RBM28: variants seen among roughly 807,000 people sequenced by gnomAD.
The protein encoded by RBM28 is RNA-binding protein 28.
A neutral mutation model predicts 98.3 loss-of-function variants in RBM28; 78 were observed. The ratio of observed to expected loss-of-function variants is 0.79; its 90% CI spans 0.66 to 0.96. The LOEUF (loss-of-function observed/expected upper bound fraction) is 0.96, where lower values mean the gene tolerates loss of function less well. Ranked by LOEUF, RBM28 falls within the 40% of genes least tolerant of loss-of-function variation. RBM28 has a pLI of 0.00. For missense variants in RBM28, 838 were observed against 913.0 expected (o/e 0.92, Z 1.06); for synonymous variants, 306 against 330.9 (o/e 0.92, Z 0.82).
At chr7:128,326,015 A>G (rs1270781964) in intron 10 of RBM28, 124 bp from the exon 11 acceptor site, 4 of 797,002 alleles carry the variant, frequency 5.0e-6, no homozygotes, top group East Asian at 5.2e-5. Context: ...TATTAAGTAC[A>G]GCCATGTAGC....
At chr7:128,312,255 C>T (rs927081946) in intron 18 of RBM28, among the ~76,000 whole-genome samples, 1 of 152,162 alleles carries the variant, frequency 6.6e-6, no homozygotes, top group Non-Finnish European at 1.5e-5. Context: ...CCCGTCTCTA[C>T]TAAAATACAA....
chr7:128,309,632 C>CAA lies in RBM28; in HGVS notation c.*1163_*1164dup, dbSNP rs554627635. ...TGGGCGACAGAGTGAGACTCCATCT[C>CAA]AAAAAAAAAAAAAAAAGAAGAAGAA... On this transcript the variant is annotated 3_prime_UTR_variant, in exon 19 of 19. Transcript: ENST00000223073. 6 of 71,208 alleles carry CAA rather than the reference C, an allele frequency of 8.4e-5. No individual in the cohort carries two copies. Among genetic ancestry groups the CAA allele is most frequent in the Admixed American group, 1.8e-4 (1 of 5,682 alleles). The allele number at this position is 71,208 out of a possible 1,614,324, so 4.4% of individuals were successfully genotyped here. A position where few individuals can be genotyped will look rare whatever the true frequency, so the allele number is the denominator to read the frequency against.
In RBM28 at chr7:128,339,689, T is replaced by G; in HGVS notation, c.221A>C (p.Asn74Thr). The change falls in exon 2 of 19, where the codon AAC becomes ACC. Residue 74 changes from asparagine to threonine, a missense_variant. Asn to Thr is a moderately conservative substitution (Grantham distance 65). Coordinates refer to ENST00000223073, the MANE Select transcript of RBM28 (RefSeq NM_018077.3). ...EITTFEGCKI[N>T]VTVAKKKLRN... ...CAGTTTTTTCTTGGCAACAGTCACG[T>G]TGATCTTGCAACCTTCAAAGGTGGT... is the stretch of plus-strand genomic sequence containing the variant. 6.2e-7 allele frequency: 1 copy of G among 1,614,136 alleles called. No homozygotes were observed. Among genetic ancestry groups the G allele is most frequent in the Non-Finnish European group, 8.5e-7 (1 of 1,179,960 alleles).
chr7:128,310,265 G>A lies in RBM28; in HGVS notation c.*532C>T, dbSNP rs1161815716. On this transcript the variant is annotated 3_prime_UTR_variant, in exon 19 of 19. Transcript: ENST00000223073. ...TTTTCCAAGTGTCTCCGCCTGCAGCGATTAGGTTAGAAAGCATTTCTCTCT... is the reference window on the plus strand; with the variant it reads ...TTTTCCAAGTGTCTCCGCCTGCAGCAATTAGGTTAGAAAGCATTTCTCTCT... 4 of 166,280 alleles carry A rather than the reference G, an allele frequency of 2.4e-5. No individual in the cohort carries two copies. The highest frequency in any genetic ancestry group is 3.9e-5 in the Non-Finnish European group (3 of 76,368). The allele number at this position is 166,280 out of a possible 1,614,324, so 10.3% of individuals were successfully genotyped here.
At chr7:128,325,539 G>A (rs1796330625) in intron 11 of RBM28, among the ~76,000 whole-genome samples, 2 of 152,160 alleles carry the variant, frequency 1.3e-5, no homozygotes, top group South Asian at 4.1e-4. Context: ...CTAGGATAGA[G>A]GCTGACACAG....
rs948587800 is a variant in RBM28 at position 128,298,158 on chromosome 7, A to G, written c.*12639T>C. 6.6e-6 allele frequency: 1 copy of G among 152,096 alleles called. No homozygotes were observed. Among genetic ancestry groups the G allele is most frequent in the African/African-American group, 2.4e-5 (1 of 41,426 alleles). 9.4% of individuals were successfully genotyped at this position (152,096 alleles called of 1,614,324 possible). A position where few individuals can be genotyped will look rare whatever the true frequency, so the allele number is the denominator to read the frequency against. ...TAAAAAAAAAAGACAATACGCGCAC[A>G]GTTGAACATAGACCCTTATCAGTAG... On this transcript the variant is annotated 3_prime_UTR_variant, in exon 19 of 19. Coordinates refer to ENST00000223073, the MANE Select transcript of RBM28 (RefSeq NM_018077.3).
intron 13 of RBM28, 96 bp downstream of exon 13, chr7:128,323,431 C>G: frequency 1.4e-6 from 2 of 1,416,928 alleles, no homozygotes; most frequent in Non-Finnish European, 1.0e-6. Context: ...TGTGACCATA[C>G]TGGGCTCTTT....
Position 128,302,906 on chromosome 7 carries a change from G to A in RBM28, c.*7891C>T, listed in dbSNP as rs1795800898. 1 of 152,218 alleles carries A rather than the reference G, an allele frequency of 6.6e-6. No individual in the cohort carries two copies. 9.4% of individuals were successfully genotyped at this position (152,218 alleles called of 1,614,324 possible). On this transcript the variant is annotated 3_prime_UTR_variant, in exon 19 of 19. Coordinates refer to ENST00000223073, the MANE Select transcript of RBM28 (RefSeq NM_018077.3). Reference sequence around the variant, plus strand: ...TCCTGCCCCAGCCTCCCGAGCAGCTGGGACTACAGTGCACACCACCACACA... The same window carrying A: ...TCCTGCCCCAGCCTCCCGAGCAGCTAGGACTACAGTGCACACCACCACACA...
At chr7:128,337,929 C>T (rs1399998976) in intron 5 of RBM28, among the ~76,000 whole-genome samples, 1 of 152,058 alleles carries the variant, frequency 6.6e-6, no homozygotes, top group Non-Finnish European at 1.5e-5. Context: ...TAATAAATAG[C>T]CCACAGATGC....
intron 1 of RBM28, chr7:128,341,185 T>C: frequency 7.8e-7 from 1 of 1,289,692 alleles, no homozygotes; most frequent in Non-Finnish European, 1.0e-6. Context: ...CTTCAGGGTA[T>C]AAGCCCTTTG....
Position 128,341,030 on chromosome 7 carries a change from C to T in RBM28, c.119-1239G>A, listed in dbSNP as rs1796712090. ...ATATCAACTGTAACCCACCTTTGCC[C>T]TTTTTGGTTTAACATTTTGTATAGT... On this transcript the variant is annotated intron_variant, in intron 1 of 18. Coordinates refer to ENST00000223073, the MANE Select transcript of RBM28 (RefSeq NM_018077.3). 9 of 720,520 alleles carry T rather than the reference C, an allele frequency of 1.2e-5. No homozygotes were observed. The South Asian group carries it at 1.6e-4, about 13-fold the overall frequency. The allele number at this position is 720,520 out of a possible 1,614,324, so 44.6% of individuals were successfully genotyped here. A position where few individuals can be genotyped will look rare whatever the true frequency, so the allele number is the denominator to read the frequency against.
In RBM28 at chr7:128,309,724, A is replaced by T. The variant is rs1426270470; in HGVS notation, c.*1073T>A. Reference sequence around the variant, plus strand: ...GGGGAAGAAAAGCCCTACTTTAGATAGTCTGGGAAGAGCTCCAGGAGGAGG... The same window carrying T: ...GGGGAAGAAAAGCCCTACTTTAGATTGTCTGGGAAGAGCTCCAGGAGGAGG... On this transcript the variant is annotated 3_prime_UTR_variant, in exon 19 of 19. Coordinates refer to ENST00000223073, the MANE Select transcript of RBM28 (RefSeq NM_018077.3). 6.6e-6 allele frequency: 1 copy of T among 152,106 alleles called. No individual in the cohort carries two copies. Among genetic ancestry groups the T allele is most frequent in the African/African-American group, 2.4e-5 (1 of 41,394 alleles). 9.4% of individuals were successfully genotyped at this position (152,106 alleles called of 1,614,324 possible). A position where few individuals can be genotyped will look rare whatever the true frequency, so the allele number is the denominator to read the frequency against.
chr7:128,326,183 A>G lies in RBM28; in HGVS notation c.1130-292T>C, dbSNP rs549433431. ...GCCAGGCGTGGTGGCGGGCACCTGT[A>G]GTCCCAGTTACTTGGGAGGCTGAGG... On this transcript the variant is annotated intron_variant, in intron 10 of 18. Transcript: ENST00000223073. Among the ~76,000 whole-genome samples the G allele has an allele frequency of 2.7e-5, 4 of 150,856 alleles. No homozygotes were observed. The South Asian group carries it at 8.5e-4, about 32-fold the overall frequency.
intron 10 of RBM28, among the ~76,000 whole-genome samples, chr7:128,329,888 C>CAAAAAAA (rs398006204): frequency 1.2e-4 from 12 of 101,622 alleles, no homozygotes; most frequent in Middle Eastern, 4.9e-3. Flanking sequence ...GACTCCGTCT[C>CAAAAAAA]AAAAAAAAAA....
Position 128,317,970 on chromosome 7 carries a change from A to G in RBM28, c.1700T>C (p.Phe567Ser), listed in dbSNP as rs776730550. ...GACAAGGCCTACCTTCAGAGGCCCA[A>G]AGATTTCTGGATTGTTGTTGATGAG... ...LRLINNNPEIFGPLKRPIVEF... is the reference protein window; with the variant it reads ...LRLINNNPEISGPLKRPIVEF... Residue 567 changes from phenylalanine to serine, a missense_variant, in exon 15 of 19, where the codon TTT becomes TCT. Physicochemically the swap from Phe to Ser is radical, Grantham distance 155. Transcript: ENST00000223073. 2.5e-6 allele frequency: 4 copies of G among 1,614,204 alleles called. No individual in the cohort carries two copies. In the South Asian group the frequency reaches 3.3e-5, roughly 13 times the overall value.
intron 8 of RBM28, 83 bp from the exon 9 acceptor site, chr7:128,333,445 A>G: frequency 1.7e-6 from 2 of 1,206,004 alleles, no homozygotes; most frequent in Non-Finnish European, 2.4e-6. Context: ...GTACATAAAG[A>G]TAAGCCTGGC....
At chr7:128,326,950 C>T (rs1334017804) in intron 10 of RBM28, among the ~76,000 whole-genome samples, 1 of 151,154 alleles carries the variant, frequency 6.6e-6, no homozygotes, top group Non-Finnish European at 1.5e-5. Flanking sequence ...GCCTAAGCAA[C>T]ATGACAAAAC....
At chr7:128,319,964 T>G (rs1172965251) in intron 14 of RBM28, among the ~76,000 whole-genome samples, 3 of 152,130 alleles carry the variant, frequency 2.0e-5, no homozygotes, top group Admixed American at 6.5e-5. Context: ...ACGCCTGTAA[T>G]CCCAGCACTT....
intron 8 of RBM28, among the ~76,000 whole-genome samples, chr7:128,335,236 A>C (rs1796570775): frequency 6.6e-6 from 1 of 152,182 alleles, no homozygotes; most frequent in South Asian, 2.1e-4. Context: ...TGGTTATTCT[A>C]TCAAGTTGGA....
Sources: gnomAD v4.1 joint callset for allele counts (sites outside exome capture counted in the v4.1 genomes callset) on GRCh38, gnomAD v4.1.1 for gene constraint, MANE v1.5 for transcripts, NCBI Gene and HGNC (gene_info 2026-07-23, HGNC 2026-07-21) for gene names.